COL19A1: variants seen among roughly 807,000 people sequenced by gnomAD.
COL19A1 encodes collagen type XIX alpha 1 chain.
Under a neutral mutation model 190.2 loss-of-function variants are expected in COL19A1, and 159 were observed. The observed-to-expected ratio is 0.84, with a 90% confidence interval of 0.73 to 0.95. COL19A1 has a LOEUF of 0.95. Among genes scored for constraint, COL19A1 ranks in the 40% least tolerant of loss-of-function variants. The probability of loss-of-function intolerance (pLI) is 0.00; values close to 1 mark genes in which losing one functional copy is unlikely to be tolerated. For synonymous variants in COL19A1, 509 were observed against 458.9 expected, an observed-to-expected ratio of 1.11 and a Z score of -1.39; for missense variants, 1,418 against 1,431.9, an observed-to-expected ratio of 0.99 and a Z score of 0.16.
Position 70,059,160 on chromosome 6 carries a change from A to C in COL19A1, c.1171-9263A>C, listed in dbSNP as rs1241605387. ...GTTAATCTTATGTTTCAAGTCTATG[A>C]AGCATATTCTAAAGCAATAATCATA... On this transcript the variant is annotated intron_variant, in intron 14 of 50. Coordinates refer to ENST00000620364, the MANE Select transcript of COL19A1 (RefSeq NM_001858.6). 2.0e-5 allele frequency among the ~76,000 whole-genome samples: 3 copies of C among 152,160 alleles called. No individual in the cohort carries two copies. The East Asian group carries it at 5.8e-4, about 29-fold the overall frequency.
At chr6:70,078,898 C>T (rs1279846488) in intron 15 of COL19A1, among the ~76,000 whole-genome samples, 1 of 152,088 alleles carries the variant, frequency 6.6e-6, no homozygotes, top group Non-Finnish European at 1.5e-5. Flanking sequence ...GAAACTCTGT[C>T]TCTACTAAAA....
At chr6:70,161,981 C>T in intron 35 of COL19A1, 28 bp downstream of exon 35, 1 of 1,578,330 alleles carries the variant, frequency 6.3e-7, no homozygotes, top group African/African-American at 1.4e-5. Flanking sequence ...CGATTGCACT[C>T]ACAGCTTATA....
At chr6:69,928,879 G>A (rs926953797) in intron 5 of COL19A1, among the ~76,000 whole-genome samples, 2 of 152,096 alleles carry the variant, frequency 1.3e-5, no homozygotes, top group African/African-American at 4.8e-5. Flanking sequence ...TGTTAATACA[G>A]CTACAATTTT....
rs796446376 is a variant in COL19A1, at chr6:70,002,605, T to TTA, written c.1027-21008_1027-21007dup. 3.0e-3 allele frequency among the ~76,000 whole-genome samples: 455 copies of TTA among 149,190 alleles called. 2 individuals are homozygous for TTA. The highest frequency in any genetic ancestry group is 0.022 in the East Asian group (115 of 5,148). On this transcript the variant is annotated intron_variant, in intron 11 of 50. Transcript: ENST00000620364. ...TGAAAGGGTGTTTTTTAAAATATAT[T>TTA]TATATATATATATATCTATTTCTTC...
At chr6:70,025,572 G>C (rs951278355) in intron 12 of COL19A1, among the ~76,000 whole-genome samples, 2 of 152,184 alleles carry the variant, frequency 1.3e-5, no homozygotes, top group Admixed American at 6.5e-5. Flanking sequence ...GGGAGATGTG[G>C]CCCACACTTT....
chr6:70,050,576 AATT>A (rs1011143214), intron 14 of COL19A1, among the ~76,000 whole-genome samples: 13 of 152,210 alleles, frequency 8.5e-5, no homozygotes, highest in African/African-American at 2.6e-4. Context: ...CTGACAAACA[AATT>A]ATTAAAGTAA....
rs1562106910 is a variant in COL19A1 at position 70,035,926 on chromosome 6, C to CTGG, written c.1157_1158insTGG (p.Pro386_Pro387insGly). On this transcript the variant is annotated inframe_insertion, in exon 14 of 51. Coordinates refer to ENST00000620364, the MANE Select transcript of COL19A1 (RefSeq NM_001858.6). ...TAGGGAGATACAGGACCCCCAGGAC[C>CTGG]ACCAGCCTTACCTGTAAGTATTCTT... 1 of 1,613,364 alleles carries CTGG rather than the reference C, an allele frequency of 6.2e-7. No individual in the cohort carries two copies. The highest frequency in any genetic ancestry group is 8.5e-7 in the Non-Finnish European group (1 of 1,179,412).
In COL19A1 at chr6:70,150,046, G is replaced by T; in HGVS notation, c.2037+1G>T. The stretch of plus-strand genomic sequence containing the variant: ...CCTGCCAGGCCCCCCAGGTGACCCG[G>T]TATGTAGACAAACCTTGTCTGATTT... On this transcript the variant is annotated splice_donor_variant, in intron 30 of 50. Transcript: ENST00000620364. LOFTEE classifies it high-confidence loss of function. 6.2e-7 allele frequency: 1 copy of T among 1,613,608 alleles called. No homozygotes were observed. Among genetic ancestry groups the T allele is most frequent in the Non-Finnish European group, 8.5e-7 (1 of 1,179,790 alleles).
At chr6:69,886,406 T>C (rs1768938775) in intron 2 of COL19A1, among the ~76,000 whole-genome samples, 1 of 152,226 alleles carries the variant, frequency 6.6e-6, no homozygotes, top group African/African-American at 2.4e-5. Context: ...ATAGCCATTA[T>C]GGAAAACAGT....
rs1375396573 is a variant in COL19A1, at chr6:69,891,955, T to C, written c.92-6993T>C. Among the ~76,000 whole-genome samples, 37 of 152,104 alleles carry C rather than the reference T, an allele frequency of 2.4e-4. 2 individuals are homozygous for C. Among genetic ancestry groups the C allele is most frequent in the Admixed American group, 2.4e-3 (37 of 15,274 alleles). ...CTTAGAATTGAGTCTGGGATGAAAA[T>C]TTGTCTTGAGGGAGTTGCATGGACT... On this transcript the variant is annotated intron_variant, in intron 2 of 50. Coordinates refer to ENST00000620364, the MANE Select transcript of COL19A1 (RefSeq NM_001858.6).
At chr6:70,061,307 A>G (rs980071878) in intron 14 of COL19A1, among the ~76,000 whole-genome samples, 1 of 152,166 alleles carries the variant, frequency 6.6e-6, no homozygotes, top group Non-Finnish European at 1.5e-5. Flanking sequence ...GAGCATGGCT[A>G]GAATTACAAA....
chr6:69,928,996 A>T (rs1158023941), intron 5 of COL19A1, among the ~76,000 whole-genome samples: 1 of 152,080 alleles, frequency 6.6e-6, no homozygotes, highest in African/African-American at 2.4e-5. Flanking sequence ...CTACTTAGGG[A>T]AATGATCACA....
chr6:69,867,293 G>C (rs910337550), intron 1 of COL19A1: 1 of 152,778 alleles, frequency 6.5e-6, no homozygotes, highest in Non-Finnish European at 1.5e-5. Context: ...GCCCCACCAC[G>C]TTCCGGAGCG....
intron 12 of COL19A1, among the ~76,000 whole-genome samples, chr6:70,033,465 C>T (rs1429410289): frequency 2.6e-5 from 4 of 151,892 alleles, no homozygotes; most frequent in African/African-American, 7.3e-5. Flanking sequence ...CTATTTACCA[C>T]GTAGTCAGGA....
chr6:70,156,606 T>A lies in COL19A1; in HGVS notation c.2239-64T>A, dbSNP rs768490118. On this transcript the variant is annotated intron_variant, in intron 33 of 50. Coordinates refer to ENST00000620364, the MANE Select transcript of COL19A1 (RefSeq NM_001858.6). ...GCCCCAAGTGTTCTTAGAAGAGATTTTTTTCATTTCCAAAAGATAAGAAAA... is the reference window on the plus strand; with the variant it reads ...GCCCCAAGTGTTCTTAGAAGAGATTATTTTCATTTCCAAAAGATAAGAAAA... 8 of 1,556,488 alleles carry A rather than the reference T, an allele frequency of 5.1e-6. No homozygotes were observed. In the Admixed American group the frequency reaches 1.4e-4, roughly 27 times the overall value.
chr6:69,881,906 G>A (rs1768582997), intron 2 of COL19A1, among the ~76,000 whole-genome samples: 1 of 152,220 alleles, frequency 6.6e-6, no homozygotes, highest in South Asian at 2.1e-4. Context: ...GGCATGGCCT[G>A]GAAGGAGACC....
Position 69,898,954 on chromosome 6 carries a change from C to T in COL19A1, c.98C>T (p.Ser33Leu). 6.2e-7 allele frequency: 1 copy of T among 1,606,286 alleles called. No individual in the cohort carries two copies. Among genetic ancestry groups the T allele is most frequent in the Non-Finnish European group, 8.5e-7 (1 of 1,174,006 alleles). Reference sequence around the variant, plus strand: ...TTTTTTTCTTTTTAAATAGAAGAGTCATGCCCTATCCTGAGAATAGAGGGA... The same window carrying T: ...TTTTTTTCTTTTTAAATAGAAGAGTTATGCCCTATCCTGAGAATAGAGGGA... ...SVTVRDKTEE[S>L]CPILRIEGHQ... is the part of the protein sequence containing the mutation. Residue 33 changes from serine (S) to leucine (L), a missense_variant, in exon 3 of 51, where the codon TCA (serine) becomes TTA (leucine). Coordinates refer to ENST00000620364, the MANE Select transcript of COL19A1 (RefSeq NM_001858.6).
chr6:70,089,456 A>G (rs528448180), intron 15 of COL19A1, among the ~76,000 whole-genome samples: 20 of 152,340 alleles, frequency 1.3e-4, no homozygotes, highest in Non-Finnish European at 2.8e-4. Flanking sequence ...GGTTGATCAA[A>G]ATATAAATGA....
intron 17 of COL19A1, among the ~76,000 whole-genome samples, chr6:70,126,637 C>T (rs944420563): frequency 2.0e-5 from 3 of 152,218 alleles, no homozygotes; most frequent in Non-Finnish European, 2.9e-5. Context: ...GTGAGCACAG[C>T]TTTCCTAGCC....
Sources: allele counts gnomAD v4.1 joint callset (sites outside exome capture counted in the v4.1 genomes callset), GRCh38; gene constraint gnomAD v4.1.1; transcripts MANE v1.5; gene names NCBI Gene and HGNC (gene_info 2026-07-23, HGNC 2026-07-21).